The following TRHDE variants were observed in gnomAD, a reference collection of about 807,000 sequenced individuals.
The protein encoded by TRHDE is thyrotropin releasing hormone degrading enzyme.
TRHDE carries 72 observed loss-of-function variants against 125.7 expected under a neutral mutation model. The ratio of observed to expected loss-of-function variants is 0.57; its 90% CI spans 0.47 to 0.70. The LOEUF is 0.70. Ranked by LOEUF, TRHDE falls within the 30% of genes least tolerant of loss-of-function variation. The pLI, the probability that TRHDE is intolerant of heterozygous loss-of-function variation, is 0.00. For synonymous variants in TRHDE, 509 were observed against 509.1 expected, an observed-to-expected ratio of 1.00 and a Z score of 0.00; for missense variants, 1,110 against 1,327.1, an observed-to-expected ratio of 0.84 and a Z score of 2.54.
chr12:72,536,543 G>A (rs1029849497), intron 6 of TRHDE, among the ~76,000 whole-genome samples: 2 of 152,060 alleles, frequency 1.3e-5, no homozygotes, highest in African/African-American at 4.8e-5. Flanking sequence ...ACTAGAACAG[G>A]TCTGCAGTTG....
At position 72,368,063 on chromosome 12, in the gene TRHDE, C is replaced by T. The variant is rs536933994; in HGVS notation, c.1189-9932C>T. Among the ~76,000 whole-genome samples, 55 of 152,114 alleles carry T rather than the reference C, an allele frequency of 3.6e-4. 1 individual carries two copies. The highest frequency in any genetic ancestry group is 1.2e-3 in the African/African-American group (49 of 41,488). ...TGTGGTATAACTATACACTGTTTCA[C>T]GTGATTATATAACAACTACCACAAT... On this transcript the variant is annotated intron_variant, in intron 2 of 18. Coordinates refer to ENST00000261180, the MANE Select transcript of TRHDE (RefSeq NM_013381.3).
At chr12:72,238,197 A>G (rs1273391852) in intron 2 of TRHDE, among the ~76,000 whole-genome samples, 1 of 145,404 alleles carries the variant, frequency 6.9e-6, no homozygotes, top group Non-Finnish European at 1.5e-5. Context: ...CATCGTAATA[A>G]GTTAGGTGAG....
chr12:72,462,099 C>T (rs148507805), intron 3 of TRHDE, among the ~76,000 whole-genome samples: 1 of 152,266 alleles, frequency 6.6e-6, no homozygotes, highest in Non-Finnish European at 1.5e-5. Flanking sequence ...AACATTATAT[C>T]CATTGCCTTC....
intron 2 of TRHDE, among the ~76,000 whole-genome samples, chr12:72,154,981 A>C (rs1162250956): frequency 2.6e-5 from 4 of 152,160 alleles, no homozygotes; most frequent in Non-Finnish European, 5.9e-5. Flanking sequence ...TAATATCCTG[A>C]AGAGTGTTTT....
intron 2 of TRHDE, among the ~76,000 whole-genome samples, chr12:72,300,250 T>C (rs1244207874): frequency 6.6e-6 from 1 of 152,056 alleles, no homozygotes; most frequent in African/African-American, 2.4e-5. Context: ...TGTGCTAATA[T>C]ATTTATGTTG....
intron 7 of TRHDE, among the ~76,000 whole-genome samples, chr12:72,561,622 G>GTGTT (rs1202554256): frequency 6.6e-6 from 1 of 152,104 alleles, no homozygotes; most frequent in Non-Finnish European, 1.5e-5. Flanking sequence ...ATATTAATGT[G>GTGTT]TGTTTCAAAT....
intron 2 of TRHDE, among the ~76,000 whole-genome samples, chr12:72,120,803 T>C (rs1050092859): frequency 6.6e-5 from 10 of 151,030 alleles, no homozygotes; most frequent in South Asian, 2.1e-4. Flanking sequence ...CTCAGCCTCC[T>C]GAGTAGCTGG....
At chr12:72,493,077 A>C (rs1489808899) in intron 5 of TRHDE, among the ~76,000 whole-genome samples, 2 of 151,888 alleles carry the variant, frequency 1.3e-5, no homozygotes, top group Non-Finnish European at 2.9e-5. Context: ...CCTATAGAAG[A>C]GGGAGTCAGG....
intron 2 of TRHDE, among the ~76,000 whole-genome samples, chr12:72,187,472 G>A (rs1215743914): frequency 6.9e-6 from 1 of 144,396 alleles, no homozygotes; most frequent in Non-Finnish European, 1.5e-5. Context: ...GGTGGTGGTT[G>A]TGGTCGTGGT....
intron 6 of TRHDE, among the ~76,000 whole-genome samples, chr12:72,514,971 C>G (rs1487693848): frequency 6.7e-6 from 1 of 149,976 alleles, no homozygotes; most frequent in Non-Finnish European, 1.5e-5. Context: ...ATGAACTCAT[C>G]ATTTTCTATG....
chr12:72,254,269 C>T (rs997661226), intron 2 of TRHDE: 1 of 151,938 alleles, frequency 6.6e-6, no homozygotes, highest in African/African-American at 2.4e-5. Context: ...CCTTCCTGTC[C>T]AGTTTTGATC....
Position 72,273,276 on chromosome 12 carries a change from G to A in TRHDE, c.633G>A (p.Glu211=), listed in dbSNP as rs9651989. 4.4e-3 allele frequency: 7,104 copies of A among 1,614,098 alleles called. 262 individuals are homozygous for A. In the African/African-American group the frequency reaches 0.082, roughly 19 times the overall value. ...AFMENFTFSG[E]VNVEIACRNA... ...TGGAGAACTTCACCTTCTCCGGGGA[G>A]GTCAACGTGGAGATCGCGTGCCGGA... Residue 211 remains glutamate, a synonymous_variant, in exon 1 of 19, where the codon GAG becomes GAA. Transcript: ENST00000261180. The surrounding 1 kb of genome is among the most constrained non-coding windows in gnomAD (Gnocchi z 5.3).
At chr12:72,501,706 G>A (rs1214900880) in intron 6 of TRHDE, among the ~76,000 whole-genome samples, 1 of 151,594 alleles carries the variant, frequency 6.6e-6, no homozygotes, top group African/African-American at 2.4e-5. Context: ...ATCATGCAAT[G>A]GAAACTATTA....
At chr12:72,585,958 T>C (rs923749079) in intron 12 of TRHDE, among the ~76,000 whole-genome samples, 1 of 152,182 alleles carries the variant, frequency 6.6e-6, no homozygotes, top group African/African-American at 2.4e-5. Context: ...CTTATTGCTT[T>C]AAGTTGTCTC....
chr12:72,397,247 G>A (rs1872834750), intron 3 of TRHDE, among the ~76,000 whole-genome samples: 1 of 151,978 alleles, frequency 6.6e-6, no homozygotes, highest in Non-Finnish European at 1.5e-5. Flanking sequence ...ACAGGTTTTT[G>A]CCTTAAAAAT....
In TRHDE at chr12:72,568,639, G is replaced by T. The variant is rs538854749; in HGVS notation, c.2114G>T (p.Trp705Leu). The T allele has an allele frequency of 3.7e-6, 6 of 1,610,230 alleles. No homozygotes were observed. Among genetic ancestry groups the T allele is most frequent in the East Asian group, 2.2e-5 (1 of 44,714 alleles). ...CATGTGTCTTCAGAAGCAATTATTT[G>T]GGTGTCTAACAAATCAGGTAAACTA... Reference protein sequence around the residue: ...RSHVSSEAIIWVSNKSEHHRI... With the variant: ...RSHVSSEAIILVSNKSEHHRI... The change falls in exon 10 of 19, where the codon TGG (tryptophan) becomes TTG (leucine). Residue 705 changes from tryptophan (W) to leucine (L), a missense_variant. Physicochemically the swap from Trp to Leu is moderately conservative, Grantham distance 61 (BLOSUM62 -2). This residue lies in a region of TRHDE where 527 missense variants were observed against 651.8 expected (regional missense o/e 0.81). Transcript: ENST00000261180.
intron 2 of TRHDE, among the ~76,000 whole-genome samples, chr12:72,297,642 C>T (rs1313873206): frequency 4.6e-5 from 7 of 152,126 alleles, no homozygotes; most frequent in Non-Finnish European, 7.3e-5. Flanking sequence ...AAGCCATGAA[C>T]ACTGAAAGAA....
chr12:72,164,016 C>G (rs929870625), intron 2 of TRHDE, among the ~76,000 whole-genome samples: 2 of 152,096 alleles, frequency 1.3e-5, no homozygotes, highest in African/African-American at 4.8e-5. Context: ...GAGGCTGAGG[C>G]AGGAGAATCA....
chr12:72,564,653 A>ATTTTTTTTTTTTTTTTTTTTT lies in TRHDE; in HGVS notation c.2042+1625_2042+1645dup, dbSNP rs538823843. Among the ~76,000 whole-genome samples the ATTTTTTTTTTTTTTTTTTTTT allele has an allele frequency of 1.7e-4, 9 of 54,316 alleles. 1 individual carries two copies. The highest frequency in any genetic ancestry group is 2.3e-4 in the Non-Finnish European group (7 of 30,572). 35.6% of individuals were successfully genotyped at this position (54,316 alleles called of 152,430 possible). A position where few individuals can be genotyped will look rare whatever the true frequency, so the allele number is the denominator to read the frequency against. On this transcript the variant is annotated intron_variant, in intron 9 of 18. Transcript: ENST00000261180. ...TGGAATTATAAAATCATGCGTATGAATTTTTTTTTTTTTTTTTTTTTTTTT... is the reference window on the plus strand; with the variant it reads ...TGGAATTATAAAATCATGCGTATGAATTTTTTTTTTTTTTTTTTTTTTTTTTTTTTTTTTTTTTTTTTTTTT...
Sources: allele counts gnomAD v4.1 joint callset (sites outside exome capture counted in the v4.1 genomes callset), GRCh38; gene constraint gnomAD v4.1.1; regional missense constraint gnomAD v4.1.1; non-coding constraint Gnocchi (gnomAD v3.1); transcripts MANE v1.5; gene names NCBI Gene and HGNC (gene_info 2026-07-23, HGNC 2026-07-21).